GALNT14: variants seen among roughly 807,000 people sequenced by gnomAD.
The protein encoded by GALNT14 is UDP-GalNAc:polypeptide N-acetylgalactosaminyltransferase 14.
In GALNT14, 60 loss-of-function variants were observed where a neutral mutation model predicts 77.5. That is an observed-to-expected ratio of 0.77 (90% CI 0.63 to 0.96). The LOEUF is 0.96. Ranked by LOEUF, GALNT14 falls within the 40% of genes least tolerant of loss-of-function variation. The probability of loss-of-function intolerance (pLI) is 0.00; values close to 1 mark genes in which losing one functional copy is unlikely to be tolerated. For missense variants in GALNT14, 710 were observed against 731.0 expected (o/e 0.97, Z 0.33); for synonymous variants, 280 against 281.7 (o/e 0.99, Z 0.06).
chr2:31,133,094 C>T (rs1679064236), intron 1 of GALNT14, among the ~76,000 whole-genome samples: 2 of 151,970 alleles, frequency 1.3e-5, no homozygotes, highest in Admixed American at 6.5e-5. Context: ...CCCTGGCCCC[C>T]TACCCGCCAG....
chr2:30,995,617 C>G (rs992762771), intron 1 of GALNT14, among the ~76,000 whole-genome samples: 1 of 152,192 alleles, frequency 6.6e-6, no homozygotes, highest in Non-Finnish European at 1.5e-5. Context: ...TCTCAGCTCC[C>G]AAGTAGCTGG....
chr2:30,949,833 G>T (rs1666919515), intron 6 of GALNT14, among the ~76,000 whole-genome samples: 1 of 152,208 alleles, frequency 6.6e-6, no homozygotes, highest in Admixed American at 6.5e-5. Context: ...GTGAGTAGAT[G>T]GTTCTGATGT....
At chr2:31,044,571 TAC>T (rs750739313) in intron 1 of GALNT14, among the ~76,000 whole-genome samples, 23 of 152,270 alleles carry the variant, frequency 1.5e-4, no homozygotes, top group Admixed American at 2.0e-4. Context: ...TTCTAGAAAT[TAC>T]ATACTGGCTA....
chr2:31,061,572 G>T (rs550244070), intron 1 of GALNT14, among the ~76,000 whole-genome samples: 1 of 152,122 alleles, frequency 6.6e-6, no homozygotes, highest in South Asian at 2.1e-4. Flanking sequence ...TAAATTTTGT[G>T]GAAACAAACT....
At chr2:31,013,034 G>C (rs983160155) in intron 1 of GALNT14, among the ~76,000 whole-genome samples, 1 of 152,210 alleles carries the variant, frequency 6.6e-6, no homozygotes, top group Admixed American at 6.5e-5. Flanking sequence ...TGCAGGCACA[G>C]CAGGAAATCT....
At chr2:31,013,388 G>A (rs1009211848) in intron 1 of GALNT14, among the ~76,000 whole-genome samples, 1 of 152,132 alleles carries the variant, frequency 6.6e-6, no homozygotes. Flanking sequence ...TTTAGGTATC[G>A]AACTTCCAAA....
chr2:30,958,432 C>T lies in GALNT14; in HGVS notation c.431G>A (p.Arg144Gln), dbSNP rs781313238. The change falls in exon 4 of 15, where the codon CGG (arginine) becomes CAG (glutamine). Residue 144 changes from arginine (R) to glutamine (Q), a missense_variant. Transcript: ENST00000349752. ...VLNRTPTHLI[R>Q]EIILVDDFSN... ...GAAGTCATCCACTAATATGATTTCC[C>T]GGATCAGATGCGTAGGGGTGCGGTT... is the stretch of plus-strand genomic sequence containing the variant. 16 of 1,613,966 alleles carry T rather than the reference C, an allele frequency of 9.9e-6. No homozygotes were observed. Among genetic ancestry groups the T allele is most frequent in the Non-Finnish European group, 1.4e-5 (16 of 1,179,952 alleles).
Position 30,924,743 on chromosome 2 carries a change from A to C in GALNT14, c.1232T>G (p.Leu411Arg). ...CTCCAACAGGTAGGACGGATACCTG[A>C]GTTCAGGGTAGATATTCTCCAGGTA... ...KWYLENIYPELSIPKESSIQK... is the reference protein window; with the variant it reads ...KWYLENIYPERSIPKESSIQK... The change falls in exon 12 of 15, where the codon CTC becomes CGC. Residue 411 changes from leucine to arginine, a missense_variant. By Grantham distance (102) the Leu-to-Arg change is moderately radical. Transcript: ENST00000349752. 1 of 1,613,558 alleles carries C rather than the reference A, an allele frequency of 6.2e-7. No individual in the cohort carries two copies. The highest frequency in any genetic ancestry group is 2.2e-5 in the East Asian group (1 of 44,876).
intron 1 of GALNT14, among the ~76,000 whole-genome samples, chr2:31,025,921 T>C (rs890010884): frequency 1.3e-5 from 2 of 152,200 alleles, no homozygotes; most frequent in African/African-American, 4.8e-5. Flanking sequence ...GTTCAGTCTT[T>C]ATTCTTAAGG....
intron 1 of GALNT14, among the ~76,000 whole-genome samples, chr2:31,061,235 C>A (rs911254502): frequency 6.6e-6 from 1 of 152,200 alleles, no homozygotes; most frequent in South Asian, 2.1e-4. Context: ...CTCCACCCAA[C>A]TCCAATTTCA....
intron 1 of GALNT14, among the ~76,000 whole-genome samples, chr2:31,025,447 C>T (rs767498165): frequency 1.3e-5 from 2 of 152,036 alleles, no homozygotes; most frequent in Non-Finnish European, 2.9e-5. Flanking sequence ...GGAGAGAGCA[C>T]AAGTGACAAG....
At chr2:30,916,810 G>A (rs1664708195) in intron 13 of GALNT14, among the ~76,000 whole-genome samples, 2 of 152,072 alleles carry the variant, frequency 1.3e-5, no homozygotes, top group Admixed American at 6.5e-5. Flanking sequence ...CAGGCGCGGT[G>A]GCTCTTGCCT....
chr2:31,050,126 A>G (rs4952038), intron 1 of GALNT14, among the ~76,000 whole-genome samples: 62,999 of 151,930 alleles, frequency 0.41, 13,234 homozygotes, highest in East Asian at 0.56. Context: ...AGTGAACCAC[A>G]TTTGGGATGT....
intron 6 of GALNT14, among the ~76,000 whole-genome samples, chr2:30,951,067 C>T (rs568019574): frequency 2.0e-5 from 3 of 152,242 alleles, no homozygotes; most frequent in South Asian, 2.1e-4. Context: ...ACATATACAC[C>T]CCCAAATAAT....
At chr2:31,106,388 C>G (rs1487358891) in intron 1 of GALNT14, among the ~76,000 whole-genome samples, 1 of 152,188 alleles carries the variant, frequency 6.6e-6, no homozygotes, top group Admixed American at 6.6e-5. Context: ...CATTTTCTCT[C>G]TAATCTTTAT....
chr2:31,023,000 C>T (rs1020689040), intron 1 of GALNT14, among the ~76,000 whole-genome samples: 8 of 152,148 alleles, frequency 5.3e-5, no homozygotes, highest in African/African-American at 1.9e-4. Context: ...GGCACTGCTT[C>T]CAGCAGGACT....
chr2:30,906,615 C>T (rs1383652590), downstream of GALNT14, among the ~76,000 whole-genome samples: 1 of 151,172 alleles, frequency 6.6e-6, no homozygotes, highest in Non-Finnish European at 1.5e-5. Flanking sequence ...TAATGGGAGA[C>T]TTTAACACCC....
At chr2:31,017,383 A>G (rs979221209) in intron 1 of GALNT14, among the ~76,000 whole-genome samples, 8 of 152,252 alleles carry the variant, frequency 5.3e-5, no homozygotes, top group African/African-American at 1.9e-4. Context: ...CTCCACTATG[A>G]TCTTAATGAC....
intron 11 of GALNT14, 113 bp from the exon 12 acceptor site, chr2:30,924,936 C>G (rs1186075547): frequency 4.1e-6 from 3 of 733,222 alleles, no homozygotes; most frequent in Non-Finnish European, 7.1e-6. Flanking sequence ...TGCCCATGCT[C>G]TGTGCTCACA....
Sources: allele counts gnomAD v4.1 joint callset (sites outside exome capture counted in the v4.1 genomes callset), GRCh38; gene constraint gnomAD v4.1.1; transcripts MANE v1.5; gene names NCBI Gene and HGNC (gene_info 2026-07-23, HGNC 2026-07-21).